Variants in ANKIB1 observed in about 807,000 individuals in gnomAD.
The protein encoded by ANKIB1 is ankyrin repeat and IBR domain containing 1.
ANKIB1 carries 43 observed loss-of-function variants against 122.1 expected under a neutral mutation model. The ratio of observed to expected loss-of-function variants is 0.35; its 90% CI spans 0.28 to 0.45. ANKIB1 has a LOEUF of 0.45. ANKIB1 is among the 20% of genes least tolerant of loss of function. ANKIB1 has a pLI of 1.00. For synonymous variants in ANKIB1, 390 were observed against 442.0 expected (o/e 0.88, Z 1.48); for missense variants, 992 against 1,329.5 (o/e 0.75, Z 3.95).
chr7:92,352,498 C>T lies in ANKIB1; in HGVS notation c.1253C>T (p.Ala418Val). ...CAGGCCTTTGTTGAAAATAATCCTGCCATTAAATGGTGTCCTACTCCAGGC... is the reference window on the plus strand; with the variant it reads ...CAGGCCTTTGTTGAAAATAATCCTGTCATTAAATGGTGTCCTACTCCAGGC... ...DIKAFVENNPAIKWCPTPGCD... is the reference protein window; with the variant it reads ...DIKAFVENNPVIKWCPTPGCD... The change falls in exon 9 of 20, where the codon GCC becomes GTC. Residue 418 changes from alanine (A) to valine (V), a missense_variant. Around this residue, in one of 4 missense-constraint regions of ANKIB1, gnomAD observed 521 missense variants for 777.7 expected, o/e 0.67. Transcript: ENST00000265742. 6.2e-7 allele frequency: 1 copy of T among 1,612,844 alleles called. No homozygotes were observed.
chr7:92,284,015 T>C (rs57088700), intron 1 of ANKIB1, among the ~76,000 whole-genome samples: 22,265 of 152,156 alleles, frequency 0.15, 2,050 homozygotes, highest in East Asian at 0.38. Flanking sequence ...GTGATCTGCC[T>C]GCCTCGGCCT....
intron 2 of ANKIB1, among the ~76,000 whole-genome samples, chr7:92,307,137 T>C (rs1291465769): frequency 6.6e-6 from 1 of 152,206 alleles, no homozygotes; most frequent in Non-Finnish European, 1.5e-5. Context: ...GCAAGTAGTA[T>C]AAAGATATTT....
At chr7:92,339,070 C>G (rs1803375972) in intron 5 of ANKIB1, among the ~76,000 whole-genome samples, 1 of 92,352 alleles carries the variant, frequency 1.1e-5, no homozygotes, top group Non-Finnish European at 2.0e-5. Flanking sequence ...GAGACTGAGT[C>G]TTGCTCTGTC....
chr7:92,370,198 G>T (rs1053863419), intron 10 of ANKIB1, among the ~76,000 whole-genome samples: 1 of 151,990 alleles, frequency 6.6e-6, no homozygotes, highest in African/African-American at 2.4e-5. Flanking sequence ...GGCAGGGGAT[G>T]GGAGGATGAA....
In ANKIB1 at chr7:92,250,096, C is replaced by T. The variant is rs1801294414; in HGVS notation, c.-91+3577C>T. Among the ~76,000 whole-genome samples, 3 of 152,168 alleles carry T rather than the reference C, an allele frequency of 2.0e-5. No homozygotes were observed. In the South Asian group the frequency reaches 6.2e-4, roughly 32 times the overall value. On this transcript the variant is annotated intron_variant, in intron 1 of 19. Transcript: ENST00000265742. ...ATAAGGTACTAGTATATCTTGTGTT[C>T]TAAAGCAGATAATTTGGCTGGGTGC...
rs985470000 is a variant in ANKIB1, at chr7:92,357,765, A to G, written c.1398-4420A>G. 5.9e-5 allele frequency among the ~76,000 whole-genome samples: 9 copies of G among 151,540 alleles called. No individual in the cohort carries two copies. In the East Asian group the frequency reaches 1.7e-3, roughly 29 times the overall value. On this transcript the variant is annotated intron_variant, in intron 9 of 19. Coordinates refer to ENST00000265742, the MANE Select transcript of ANKIB1 (RefSeq NM_019004.2). ...AAAAAAAAAAGAAAAAGAAAAAAAA[A>G]CTTTCTTTAGTAAGTTGGCATTCTA... is the stretch of plus-strand genomic sequence containing the variant.
At chr7:92,264,825 A>G (rs1054606593) in intron 1 of ANKIB1, among the ~76,000 whole-genome samples, 32 of 152,200 alleles carry the variant, frequency 2.1e-4, no homozygotes, top group Non-Finnish European at 4.3e-4. Flanking sequence ...CTTATAACCT[A>G]GTAGAATAGA....
intron 7 of ANKIB1, among the ~76,000 whole-genome samples, chr7:92,350,210 C>G (rs12532157): frequency 2.0e-5 from 3 of 151,962 alleles, no homozygotes; most frequent in Admixed American, 2.0e-4. Flanking sequence ...AAAAACTATG[C>G]TATATTTTAA....
At chr7:92,358,279 A>C (rs2115587957) in intron 9 of ANKIB1, among the ~76,000 whole-genome samples, 1 of 152,278 alleles carries the variant, frequency 6.6e-6, no homozygotes, top group Non-Finnish European at 1.5e-5. Context: ...TTTAATTCAC[A>C]GTCCATGCTG....
chr7:92,357,732 C>CAA (rs961949515), intron 9 of ANKIB1, among the ~76,000 whole-genome samples: 4 of 75,018 alleles, frequency 5.3e-5, no homozygotes, highest in East Asian at 4.0e-4. Context: ...AAGACTCTCT[C>CAA]AAAAAAAAAA....
At chr7:92,311,741 G>C (rs962279982) in intron 3 of ANKIB1, among the ~76,000 whole-genome samples, 4 of 149,558 alleles carry the variant, frequency 2.7e-5, no homozygotes, top group Non-Finnish European at 4.5e-5. Flanking sequence ...CACACACACA[G>C]AACATAAAAT....
intron 18 of ANKIB1, among the ~76,000 whole-genome samples, chr7:92,397,517 T>C (rs1017851858): frequency 3.3e-5 from 5 of 151,800 alleles, no homozygotes; most frequent in African/African-American, 1.2e-4. Context: ...GTTACGGATT[T>C]GAAGTGATAG....
intron 1 of ANKIB1, among the ~76,000 whole-genome samples, chr7:92,281,799 A>G (rs1802016581): frequency 6.6e-6 from 1 of 152,230 alleles, no homozygotes; most frequent in Non-Finnish European, 1.5e-5. Flanking sequence ...ACAGTTTTGT[A>G]CAGCAGCAAT....
Position 92,295,023 on chromosome 7 carries a change from TG to T in ANKIB1, c.46del (p.Asp16MetfsTer15). ...TKFRKALING[D>X]ENLACQIYEN... Reference sequence around the variant, plus strand: ...AATTCCGTAAAGCACTCATCAATGGTGATGAAAACCTGGCCTGCCAAATATA... The same window carrying T: ...AATTCCGTAAAGCACTCATCAATGGTATGAAAACCTGGCCTGCCAAATATA... On this transcript the variant is annotated frameshift_variant, in exon 2 of 20. Transcript: ENST00000265742. LOFTEE classifies it high-confidence loss of function. 2 of 1,606,934 alleles carry T rather than the reference TG, an allele frequency of 1.2e-6. No individual in the cohort carries two copies. The highest frequency in any genetic ancestry group is 1.7e-5 in the Admixed American group (1 of 59,128).
intron 1 of ANKIB1, among the ~76,000 whole-genome samples, chr7:92,264,895 A>C (rs971259428): frequency 1.3e-5 from 2 of 152,228 alleles, no homozygotes; most frequent in East Asian, 3.9e-4. Flanking sequence ...GGATACATAG[A>C]TTCAGTGATA....
At chr7:92,395,740 TG>T (rs1804875985) in intron 17 of ANKIB1, 1 of 152,196 alleles carries the variant, frequency 6.6e-6, no homozygotes, top group Admixed American at 6.5e-5. Flanking sequence ...GGTTTCACCA[TG>T]TTGGCCAGGC....
intron 1 of ANKIB1, among the ~76,000 whole-genome samples, chr7:92,279,305 C>T (rs1359995508): frequency 6.6e-6 from 1 of 152,178 alleles, no homozygotes; most frequent in Non-Finnish European, 1.5e-5. Context: ...AGTCCAGAAT[C>T]CAGTCTGTCA....
At chr7:92,295,226 AGTG>A (rs1252026768) in intron 2 of ANKIB1, 60 bp downstream of exon 2, 1 of 1,246,008 alleles carries the variant, frequency 8.0e-7, no homozygotes, top group Non-Finnish European at 1.0e-6. Flanking sequence ...TTGGTAACAA[AGTG>A]GTGAAAAAAA....
At chr7:92,291,884 T>G (rs1176804152) in intron 1 of ANKIB1, among the ~76,000 whole-genome samples, 1 of 152,108 alleles carries the variant, frequency 6.6e-6, no homozygotes, top group Non-Finnish European at 1.5e-5. Context: ...CCAGGGTACA[T>G]TTTTCTTCTT....
Sources: allele counts gnomAD v4.1 joint callset (sites outside exome capture counted in the v4.1 genomes callset), GRCh38; gene constraint gnomAD v4.1.1; regional missense constraint gnomAD v4.1.1; transcripts MANE v1.5; gene names NCBI Gene and HGNC (gene_info 2026-07-23, HGNC 2026-07-21).